Variants in MACC1 observed in about 807,000 individuals in gnomAD.
MACC1 encodes metastasis-associated in colon cancer protein 1.
A neutral mutation model predicts 70.7 loss-of-function variants in MACC1; 79 were observed. The observed-to-expected ratio is 1.12, with a 90% CI of 0.93 to 1.35. The LOEUF (loss-of-function observed/expected upper bound fraction) is 1.35, where lower values mean the gene tolerates loss of function less well. Among genes scored for constraint, MACC1 ranks in the 40% most tolerant of loss-of-function variants. The pLI is 0.00. For synonymous variants in MACC1, 361 were observed against 347.2 expected, an observed-to-expected ratio of 1.04 and a Z score of -0.44; for missense variants, 1,106 against 978.1, an observed-to-expected ratio of 1.13 and a Z score of -1.74.
chr7:20,180,005 G>T (rs1240497192), intron 1 of MACC1, among the ~76,000 whole-genome samples: 1 of 152,074 alleles, frequency 6.6e-6, no homozygotes, highest in African/African-American at 2.4e-5. Context: ...ATATTTTTAG[G>T]AGAGATAAAA....
chr7:20,166,232 A>T (rs141620485), intron 2 of MACC1, among the ~76,000 whole-genome samples: 127 of 152,360 alleles, frequency 8.3e-4, no homozygotes, highest in Non-Finnish European at 1.0e-3. Context: ...ATGTCCATGT[A>T]GGCTATAACT....
In MACC1 at chr7:20,138,517, C is replaced by CA. The variant is rs1348536581; in HGVS notation, c.*2428dup. On this transcript the variant is annotated 3_prime_UTR_variant, in exon 7 of 7. Coordinates refer to ENST00000400331, the MANE Select transcript of MACC1 (RefSeq NM_182762.4). ...TGTTCTAAAGAAAGCAAAATCACCA[C>CA]AAAAAAGGACTGTGTTCTGAAAGTA... 3.3e-5 allele frequency: 5 copies of CA among 151,854 alleles called. No homozygotes were observed. Among genetic ancestry groups the CA allele is most frequent in the African/African-American group, 1.2e-4 (5 of 41,342 alleles). 9.4% of individuals were successfully genotyped at this position (151,854 alleles called of 1,614,324 possible). A position where few individuals can be genotyped will look rare whatever the true frequency, so the allele number is the denominator to read the frequency against.
In MACC1 at chr7:20,204,492, T is replaced by C. The variant is rs571091046; in HGVS notation, c.-218+12807A>G. ...GGATGTGATCTTCGAGTCTTTCTATTTGGCATATCTCAAACATTTTTTTTC... is the reference window on the plus strand; with the variant it reads ...GGATGTGATCTTCGAGTCTTTCTATCTGGCATATCTCAAACATTTTTTTTC... On this transcript the variant is annotated intron_variant, in intron 1 of 6. Coordinates refer to ENST00000400331, the MANE Select transcript of MACC1 (RefSeq NM_182762.4). 5.3e-5 allele frequency among the ~76,000 whole-genome samples: 8 copies of C among 152,312 alleles called. No individual in the cohort carries two copies. In the East Asian group the frequency reaches 1.5e-3, roughly 29 times the overall value.
intron 1 of MACC1, among the ~76,000 whole-genome samples, chr7:20,188,647 TTCTC>T (rs1356146034): frequency 6.6e-6 from 1 of 151,876 alleles, no homozygotes; most frequent in Non-Finnish European, 1.5e-5. Flanking sequence ...AATATTTTTC[TTCTC>T]TCTCTCTCTA....
intron 1 of MACC1, among the ~76,000 whole-genome samples, chr7:20,205,975 T>A (rs949367992): frequency 6.6e-6 from 1 of 152,100 alleles, no homozygotes; most frequent in Non-Finnish European, 1.5e-5. Flanking sequence ...TGTCTATTTC[T>A]TTTCCTTAGT....
At position 20,183,623 on chromosome 7, in the gene MACC1, C is replaced by T. The variant is rs555684999; in HGVS notation, c.-217-12845G>A. Among the ~76,000 whole-genome samples, 3 of 152,144 alleles carry T rather than the reference C, an allele frequency of 2.0e-5. No individual in the cohort carries two copies. In the South Asian group the frequency reaches 6.2e-4, roughly 32 times the overall value. ...CATCAGAAGGAGAAATTCTCCACAA[C>T]GTATTTTTCTTGCTTTCGTTTCTTT... On this transcript the variant is annotated intron_variant, in intron 1 of 6. Coordinates refer to ENST00000400331, the MANE Select transcript of MACC1 (RefSeq NM_182762.4).
chr7:20,212,415 G>A (rs989525635), intron 1 of MACC1, among the ~76,000 whole-genome samples: 6 of 152,170 alleles, frequency 3.9e-5, no homozygotes, highest in African/African-American at 1.4e-4. Context: ...CTCTGGGCAA[G>A]GTGGTGGCCA....
intron 5 of MACC1, among the ~76,000 whole-genome samples, chr7:20,156,032 G>A (rs1414480826): frequency 6.6e-6 from 1 of 152,116 alleles, no homozygotes; most frequent in Non-Finnish European, 1.5e-5. Context: ...CATAATCATT[G>A]TGAAAATCAA....
intron 1 of MACC1, among the ~76,000 whole-genome samples, chr7:20,178,583 C>CTATGCAGATTAACCTTTTTGTTTTT (rs1263919802): frequency 4.6e-5 from 7 of 152,078 alleles, no homozygotes; most frequent in Admixed American, 1.3e-4. Flanking sequence ...TGGAGTACAC[C>CTATGCAGATTAACCTTTTTGTTTTT]TATGCAGATT....
At chr7:20,153,328 T>C (rs1322598802) in intron 6 of MACC1, 1 of 152,144 alleles carries the variant, frequency 6.6e-6, no homozygotes, top group Non-Finnish European at 1.5e-5. Context: ...TCTCCAAAAA[T>C]TAATACCCAG....
intron 2 of MACC1, among the ~76,000 whole-genome samples, chr7:20,165,098 G>A (rs1218636163): frequency 7.2e-5 from 11 of 152,076 alleles, no homozygotes; most frequent in Non-Finnish European, 1.3e-4. Flanking sequence ...CCAAAGGGTC[G>A]TTAGCTGAGA....
chr7:20,206,930 TC>T (rs1430097730), intron 1 of MACC1, among the ~76,000 whole-genome samples: 1 of 152,196 alleles, frequency 6.6e-6, no homozygotes, highest in Non-Finnish European at 1.5e-5. Flanking sequence ...TCCATGAACT[TC>T]TACAAAATTA....
At chr7:20,149,283 C>T (rs532482126) in intron 6 of MACC1, among the ~76,000 whole-genome samples, 101 of 152,198 alleles carry the variant, frequency 6.6e-4, no homozygotes, top group Middle Eastern at 3.4e-3. Context: ...ACTAAAAAAA[C>T]AGTGTATTTT....
intron 2 of MACC1, among the ~76,000 whole-genome samples, chr7:20,165,093 G>C (rs1015134080): frequency 6.6e-6 from 1 of 152,120 alleles, no homozygotes; most frequent in African/African-American, 2.4e-5. Context: ...AGGCACCAAA[G>C]GGTCGTTAGC....
At chr7:20,165,854 C>T (rs1378517114) in intron 2 of MACC1, among the ~76,000 whole-genome samples, 2 of 151,922 alleles carry the variant, frequency 1.3e-5, no homozygotes, top group East Asian at 3.9e-4. Context: ...TACTTTTTTC[C>T]TTAAGAAACC....
intron 1 of MACC1, among the ~76,000 whole-genome samples, chr7:20,185,666 T>C (rs556779869): frequency 6.6e-6 from 1 of 152,252 alleles, no homozygotes; most frequent in South Asian, 2.1e-4. Context: ...ATTGAAAACA[T>C]AAGAAATCTG....
At position 20,159,976 on chromosome 7, in the gene MACC1, T is replaced by A. The variant is rs1284578141; in HGVS notation, c.385A>T (p.Thr129Ser). The change falls in exon 5 of 7, where the codon ACT becomes TCT. Residue 129 changes from threonine to serine, a missense_variant. Thr to Ser is a moderately conservative substitution (Grantham distance 58, BLOSUM62 1). Coordinates refer to ENST00000400331, the MANE Select transcript of MACC1 (RefSeq NM_182762.4). ...ELDVHQLLRQ[T>S]SSRNSGRSKS... ...GATCTTCCAGAATTTCTTGAGGAAG[T>A]CTGCCTAAGTAACTGATGCACATCA... 1.9e-6 allele frequency: 3 copies of A among 1,614,130 alleles called. No individual in the cohort carries two copies. The highest frequency in any genetic ancestry group is 2.5e-6 in the Non-Finnish European group (3 of 1,180,020).
chr7:20,143,514 A>T (rs10479783), intron 6 of MACC1, among the ~76,000 whole-genome samples: 3 of 151,830 alleles, frequency 2.0e-5, no homozygotes, highest in Admixed American at 2.0e-4. Context: ...TCAGCCTCCC[A>T]AGTAGCTGGA....
chr7:20,176,651 A>G (rs1245973866), intron 1 of MACC1, among the ~76,000 whole-genome samples: 2 of 152,176 alleles, frequency 1.3e-5, no homozygotes, highest in East Asian at 3.8e-4. Flanking sequence ...TTAGTATTTA[A>G]TAGCCCCAAA....
Sources: allele counts gnomAD v4.1 joint callset (sites outside exome capture counted in the v4.1 genomes callset), GRCh38; gene constraint gnomAD v4.1.1; transcripts MANE v1.5; gene names NCBI Gene and HGNC (gene_info 2026-07-23, HGNC 2026-07-21).